Variants in PAK6 observed in about 807,000 individuals in gnomAD.
The protein encoded by PAK6 is serine/threonine-protein kinase PAK 6.
A neutral mutation model predicts 60.8 loss-of-function variants in PAK6; 33 were observed. The observed-to-expected ratio is 0.54, with a 90% confidence interval of 0.41 to 0.73. PAK6 has a LOEUF of 0.73. Ranked by LOEUF, PAK6 falls within the 30% of genes least tolerant of loss-of-function variation. The pLI is 0.00. For missense variants in PAK6, 845 were observed against 904.1 expected (o/e 0.93, Z 0.84); for synonymous variants, 404 against 378.5 (o/e 1.07, Z -0.78).
exon 7 of PAK6, chr15:40,272,935 G>A (rs760026583): frequency 9.3e-6 from 15 of 1,614,094 alleles, no homozygotes; most frequent in Admixed American, 1.7e-5. Context: ...GGTGGGCGAG[G>A]AGCTGTGGGT....
chr15:40,264,743 T>C (rs2039073899), intron 3 of PAK6, 38 bp from the exon 4 acceptor site: 2 of 1,592,698 alleles, frequency 1.3e-6, no homozygotes, highest in African/African-American at 1.3e-5. Context: ...CCACCCCTCT[T>C]TCCCGGGAGG....
chr15:40,272,556 G>A, exon 6 of PAK6: 2 of 1,613,598 alleles, frequency 1.2e-6, no homozygotes, highest in Non-Finnish European at 1.7e-6. Flanking sequence ...TCAGGATGGT[G>A]GTGGACCAGG....
intron 2 of PAK6, chr15:40,245,233 G>A (rs1286897294): frequency 2.0e-5 from 3 of 152,322 alleles, no homozygotes; most frequent in Non-Finnish European, 4.4e-5. Flanking sequence ...CAGTTCAGCT[G>A]GTGCTGTATT....
At chr15:40,242,844 C>A (rs775359318) in intron 2 of PAK6, among the ~76,000 whole-genome samples, 3 of 152,150 alleles carry the variant, frequency 2.0e-5, no homozygotes, top group Non-Finnish European at 4.4e-5. Context: ...CTTGTTCTGG[C>A]GCACAGGCTG....
At chr15:40,273,494 GCA>G (rs2039367558) in intron 8 of PAK6, 22 bp downstream of exon 8, 1 of 1,613,354 alleles carries the variant, frequency 6.2e-7, no homozygotes, top group African/African-American at 1.3e-5. Context: ...CCTGTCCCTG[GCA>G]CAGCCACGCT....
chr15:40,252,942 C>G, intron 2 of PAK6: 2 of 961,580 alleles, frequency 2.1e-6, no homozygotes, highest in Non-Finnish European at 2.7e-6. Context: ...GCCGGGTGGC[C>G]GCGCCGGGTC....
At chr15:40,243,415 A>G (rs192444362) in intron 2 of PAK6, among the ~76,000 whole-genome samples, 2 of 152,328 alleles carry the variant, frequency 1.3e-5, no homozygotes, top group African/African-American at 4.8e-5. Context: ...TCTCCTGTCC[A>G]ACAGAGATAA....
At chr15:40,270,759 C>T (rs556153682) in intron 5 of PAK6, among the ~76,000 whole-genome samples, 22 of 152,348 alleles carry the variant, frequency 1.4e-4, no homozygotes, top group African/African-American at 5.3e-4. Context: ...GAAGGTCAAG[C>T]ACACACTCGG....
intron 5 of PAK6, among the ~76,000 whole-genome samples, chr15:40,269,913 G>T (rs2039255094): frequency 6.6e-6 from 1 of 152,236 alleles, no homozygotes; most frequent in African/African-American, 2.4e-5. Context: ...TCAGAGTAGA[G>T]CTGGCCCATG....
intron 2 of PAK6, chr15:40,252,281 G>A: frequency 2.5e-6 from 3 of 1,215,338 alleles, no homozygotes; most frequent in East Asian, 5.6e-5. Context: ...CACACAGCCG[G>A]CGCTCAGCTG....
At chr15:40,251,793 G>C (rs1472335871) in intron 2 of PAK6, 1 of 152,490 alleles carries the variant, frequency 6.6e-6, no homozygotes, top group Non-Finnish European at 1.5e-5. Flanking sequence ...CCTTCCCCCA[G>C]TATAGAAAAC....
chr15:40,250,426 C>A (rs1010373081), intron 2 of PAK6, among the ~76,000 whole-genome samples: 5 of 152,192 alleles, frequency 3.3e-5, no homozygotes, highest in African/African-American at 4.8e-5. Flanking sequence ...AGTTCTCTGG[C>A]CTACCCAACT....
intron 2 of PAK6, among the ~76,000 whole-genome samples, chr15:40,249,410 CG>C (rs1182970707): frequency 6.6e-6 from 1 of 152,158 alleles, no homozygotes; most frequent in Admixed American, 6.5e-5. Context: ...TTGTAAAATG[CG>C]AATAATAATT....
At position 40,252,538 on chromosome 15, in the gene PAK6, C is replaced by G. The variant is rs776944954; in HGVS notation, c.-117-640C>G. ...CCGCCGCGTCCTACCTGAGGCCACA[C>G]CCTGAAATCAAAATCGCGGTCAGGT... On this transcript the variant is annotated intron_variant, in intron 2 of 10. Coordinates refer to ENST00000560346, the Ensembl canonical transcript of PAK6. 2.1e-5 allele frequency: 29 copies of G among 1,362,354 alleles called. No homozygotes were observed. The South Asian group carries it at 3.2e-4, about 15-fold the overall frequency. 84.4% of individuals were successfully genotyped at this position (1,362,354 alleles called of 1,614,324 possible).
intron 2 of PAK6, chr15:40,246,738 T>C (rs1416540021): frequency 6.6e-6 from 1 of 152,328 alleles, no homozygotes; most frequent in Non-Finnish European, 1.5e-5. Context: ...GTCAAGGGGT[T>C]CTGTCCGGTG....
rs1448905930 is a variant in PAK6, at chr15:40,275,280, G to GTTTTCTTTTTTTT, written c.1879-643_1879-642insCTTTTTTTTTTTT. 3.9e-4 allele frequency among the ~76,000 whole-genome samples: 22 copies of GTTTTCTTTTTTTT among 56,508 alleles called. 3 individuals carry two copies. The highest frequency in any genetic ancestry group is 4.9e-4 in the Non-Finnish European group (16 of 32,502). 37.1% of individuals were successfully genotyped at this position (56,508 alleles called of 152,430 possible). On this transcript the variant is annotated intron_variant, in intron 10 of 10. Coordinates refer to ENST00000560346, the Ensembl canonical transcript of PAK6. Reference sequence around the variant, plus strand: ...GACTTGTTTGTTTCTGTTGTTGTTGGTTTTTTTTTTTTTTTTTTTTTTGGA... The same window carrying GTTTTCTTTTTTTT: ...GACTTGTTTGTTTCTGTTGTTGTTGGTTTTCTTTTTTTTTTTTTTTTTTTTTTTTTTTTTTGGA...
chr15:40,251,353 T>C (rs1325792426), intron 2 of PAK6: 1 of 152,166 alleles, frequency 6.6e-6, no homozygotes, highest in Non-Finnish European at 1.5e-5. Flanking sequence ...CCACACAGGG[T>C]ACAGACCTGT....
At chr15:40,267,703 C>A (rs376165339) in intron 5 of PAK6, among the ~76,000 whole-genome samples, 23 of 152,224 alleles carry the variant, frequency 1.5e-4, no homozygotes, top group African/African-American at 5.1e-4. Context: ...GCACTCTAGT[C>A]CCCTACTAGG....
Position 40,272,668 on chromosome 15 carries a change from G to A in PAK6, c.1303G>A (p.Val435Ile), listed in dbSNP as rs765632390. 20 of 1,604,390 alleles carry A rather than the reference G, an allele frequency of 1.2e-5. No individual in the cohort carries two copies. Among genetic ancestry groups the A allele is most frequent in the African/African-American group, 6.7e-5 (5 of 74,904 alleles). The change falls in exon 6 of 11, where the codon GTC becomes ATC. Residue 435 changes from valine (V) to isoleucine (I), a missense_variant. By Grantham distance (29) the Val-to-Ile change is conservative. Coordinates refer to ENST00000560346, the Ensembl canonical transcript of PAK6. Reference sequence around the variant, plus strand: ...GAAGCACTCGGGCCGCCAGGTGGCCGTCAAGATGATGGACCTCAGGAAGCA... The same window carrying A: ...GAAGCACTCGGGCCGCCAGGTGGCCATCAAGATGATGGACCTCAGGAAGCA...
Sources: gnomAD v4.1 joint callset for allele counts (sites outside exome capture counted in the v4.1 genomes callset) on GRCh38, gnomAD v4.1.1 for gene constraint, MANE v1.5 for transcripts, NCBI Gene and HGNC (gene_info 2026-07-23, HGNC 2026-07-21) for gene names.